The following GIT2 variants were observed in gnomAD, a reference collection of about 807,000 sequenced individuals.
The protein encoded by GIT2 is ARF GTPase-activating protein GIT2.
GIT2 carries 32 observed loss-of-function variants against 100.3 expected under a neutral mutation model. That is an observed-to-expected ratio of 0.32 (90% CI 0.24 to 0.43). The LOEUF (loss-of-function observed/expected upper bound fraction) is 0.43, where lower values mean the gene tolerates loss of function less well. Among genes scored for constraint, GIT2 ranks in the 20% least tolerant of loss-of-function variants. The pLI, the probability that GIT2 is intolerant of heterozygous loss-of-function variation, is 1.00. For missense variants in GIT2, 737 were observed against 975.1 expected (o/e 0.76, Z 3.25); for synonymous variants, 353 against 364.1 (o/e 0.97, Z 0.35).
At chr12:109,976,025 C>T (rs1884946528) in intron 7 of GIT2, among the ~76,000 whole-genome samples, 1 of 151,824 alleles carries the variant, frequency 6.6e-6, no homozygotes, top group Non-Finnish European at 1.5e-5. Context: ...CCACCTCAGC[C>T]TCCCAAAGTG....
chr12:109,990,768 G>T (rs1004690773), intron 2 of GIT2, among the ~76,000 whole-genome samples: 1 of 152,148 alleles, frequency 6.6e-6, no homozygotes, highest in East Asian at 1.9e-4. Context: ...ATAAAACAAA[G>T]AACTCATTTA....
rs528741599 is a variant in GIT2 at position 109,996,333 on chromosome 12, G to A, written c.-109C>T. On this transcript the variant is annotated 5_prime_UTR_variant, in exon 1 of 20. Coordinates refer to ENST00000355312, the MANE Select transcript of GIT2 (RefSeq NM_057169.5). ...TCCCAGCTGCGGCGGCGCTGACGGC[G>A]GCGCCTCTCCCCTCAGCGCCTTGCA... 6 of 734,662 alleles carry A rather than the reference G, an allele frequency of 8.2e-6. No homozygotes were observed. Among genetic ancestry groups the A allele is most frequent in the African/African-American group, 7.5e-5 (4 of 53,638 alleles). 45.5% of individuals were successfully genotyped at this position (734,662 alleles called of 1,614,324 possible).
chr12:109,959,807 G>T, intron 12 of GIT2, 40 bp downstream of exon 12: 1 of 1,196,546 alleles, frequency 8.4e-7, no homozygotes, highest in Non-Finnish European at 1.2e-6. Context: ...CAAATTTAGA[G>T]GGCCAAAAAA....
intron 16 of GIT2, among the ~76,000 whole-genome samples, chr12:109,944,827 A>G (rs1004755578): frequency 7.3e-6 from 1 of 137,178 alleles, no homozygotes; most frequent in African/African-American, 2.7e-5. Context: ...TCACAGGTTA[A>G]AAAAAAAAAA....
At chr12:109,983,824 G>A in intron 4 of GIT2, 130 bp from the exon 5 acceptor site, 1 of 628,778 alleles carries the variant, frequency 1.6e-6, no homozygotes, top group Non-Finnish European at 2.8e-6. Flanking sequence ...TCGGTAAAGT[G>A]CATGGACCAG....
rs757765366 is a variant in GIT2, at chr12:109,983,386, C to T, written c.610G>A (p.Val204Ile). Residue 204 changes from valine (V) to isoleucine (I), a missense_variant, in exon 6 of 20, where the codon GTT (valine) becomes ATT (isoleucine). Physicochemically the swap from Val to Ile is conservative, Grantham distance 29. Coordinates refer to ENST00000355312, the MANE Select transcript of GIT2 (RefSeq NM_057169.5). Reference protein sequence around the residue: ...GTQDSSGKTPVDYARQGGHHE... With the variant: ...GTQDSSGKTPIDYARQGGHHE... ...TAGGTCTCTTACCTTGCATAATCAA[C>T]GGGAGTTTTCCCACTAGAATCCTGT... 21 of 1,613,418 alleles carry T rather than the reference C, an allele frequency of 1.3e-5. No homozygotes were observed. The highest frequency in any genetic ancestry group is 5.5e-5 in the South Asian group (5 of 90,844).
intron 4 of GIT2, 72 bp from the exon 5 acceptor site, chr12:109,983,766 G>T: frequency 1.1e-6 from 1 of 912,272 alleles, no homozygotes; most frequent in South Asian, 1.4e-5. Context: ...GCAGCTGATA[G>T]ACCATTTTAA....
chr12:109,952,252 A>C (rs1878082720), intron 13 of GIT2, among the ~76,000 whole-genome samples: 1 of 152,162 alleles, frequency 6.6e-6, no homozygotes, highest in African/African-American at 2.4e-5. Context: ...ATGATTGCCA[A>C]GCCCCTCTGT....
upstream of GIT2, chr12:109,996,420 G>C: frequency 5.7e-6 from 3 of 528,110 alleles, no homozygotes. Flanking sequence ...TCATGTGACC[G>C]GAAAGGGCAC....
chr12:109,951,965 G>A (rs1592998896), intron 13 of GIT2, among the ~76,000 whole-genome samples: 1 of 152,212 alleles, frequency 6.6e-6, no homozygotes, highest in Admixed American at 6.5e-5. Flanking sequence ...AGAGGGAGCA[G>A]GTGTGTGGGA....
Position 109,946,822 on chromosome 12 carries a change from C to T in GIT2, c.1641+434G>A, listed in dbSNP as rs541131071. Among the ~76,000 whole-genome samples, 373 of 152,248 alleles carry T rather than the reference C, an allele frequency of 2.4e-3. 4 individuals are homozygous for T. The highest frequency in any genetic ancestry group is 8.6e-3 in the African/African-American group (357 of 41,532). On this transcript the variant is annotated intron_variant, in intron 15 of 19. Coordinates refer to ENST00000355312, the MANE Select transcript of GIT2 (RefSeq NM_057169.5). ...CCTGCTTGAGGAGGAGCTGAAAAGACGTCTTGGATTCTAAGGGCTCCAGTA... is the reference window on the plus strand; with the variant it reads ...CCTGCTTGAGGAGGAGCTGAAAAGATGTCTTGGATTCTAAGGGCTCCAGTA...
At position 109,932,916 on chromosome 12, in the gene GIT2, T is replaced by C; in HGVS notation, c.*62A>G. ...TTGTAGAAATCTGAAGAGTTCTGCG[T>C]CTGAATTTGAAATTGGACTTTATAA... On this transcript the variant is annotated 3_prime_UTR_variant, in exon 20 of 20. Coordinates refer to ENST00000355312, the MANE Select transcript of GIT2 (RefSeq NM_057169.5). 2 of 911,286 alleles carry C rather than the reference T, an allele frequency of 2.2e-6. No homozygotes were observed. Among genetic ancestry groups the C allele is most frequent in the South Asian group, 2.6e-5 (2 of 75,552 alleles). The allele number at this position is 911,286 out of a possible 1,614,324, so 56.5% of individuals were successfully genotyped here. A position where few individuals can be genotyped will look rare whatever the true frequency, so the allele number is the denominator to read the frequency against.
chr12:109,982,145 A>G (rs923095717), intron 6 of GIT2: 1 of 152,298 alleles, frequency 6.6e-6, no homozygotes, highest in Non-Finnish European at 1.5e-5. Flanking sequence ...TGTTCTTTCC[A>G]GTCAGGTCTC....
intron 2 of GIT2, 43 bp downstream of exon 2, chr12:109,991,583 TA>T (rs1566024658): frequency 1.3e-6 from 2 of 1,538,960 alleles, no homozygotes; most frequent in Admixed American, 1.7e-5. Context: ...TGATGAGCCC[TA>T]AAATGTAAAT....
chr12:109,988,376 C>T (rs1032756574), intron 4 of GIT2, among the ~76,000 whole-genome samples: 1 of 152,084 alleles, frequency 6.6e-6, no homozygotes, highest in African/African-American at 2.4e-5. Context: ...GAACCCGTCT[C>T]TACAAAAAAT....
intron 7 of GIT2, among the ~76,000 whole-genome samples, chr12:109,973,243 C>G (rs1048753064): frequency 2.6e-5 from 4 of 152,028 alleles, no homozygotes; most frequent in Non-Finnish European, 5.9e-5. Context: ...CAGGTTTAAG[C>G]GATTTTCCTG....
At chr12:109,942,133 CTT>C (rs1874934589) in intron 16 of GIT2, among the ~76,000 whole-genome samples, 1 of 151,990 alleles carries the variant, frequency 6.6e-6, no homozygotes, top group African/African-American at 2.4e-5. Context: ...CCCCAACTAA[CTT>C]TTAAGTTTTA....
chr12:109,960,575 C>T (rs956829072), intron 11 of GIT2, among the ~76,000 whole-genome samples: 3 of 151,766 alleles, frequency 2.0e-5, no homozygotes, highest in Non-Finnish European at 2.9e-5. Context: ...AGCAAGACTC[C>T]GTCTCAAAAG....
chr12:109,948,860 A>C lies in GIT2; in HGVS notation c.1393-1356T>G. 1 of 1,563,412 alleles carries C rather than the reference A, an allele frequency of 6.4e-7. No individual in the cohort carries two copies. Among genetic ancestry groups the C allele is most frequent in the South Asian group, 1.1e-5 (1 of 88,686 alleles). ...TTTTCCAAGCAACTGTTAAATGTGA[A>C]AGATCAGATACAAATCATGCTACTT... On this transcript the variant is annotated intron_variant, in intron 14 of 19. Transcript: ENST00000355312. The surrounding 1 kb of genome is among the most constrained non-coding windows in gnomAD (Gnocchi z 4.3).
Sources: gnomAD v4.1 joint callset for allele counts (sites outside exome capture counted in the v4.1 genomes callset) on GRCh38, gnomAD v4.1.1 for gene constraint, Gnocchi (gnomAD v3.1) non-coding constraint, MANE v1.5 for transcripts, NCBI Gene and HGNC (gene_info 2026-07-23, HGNC 2026-07-21) for gene names.